Variants in PACRGL observed in about 807,000 individuals in gnomAD.
PACRGL encodes the protein PACRG-like protein.
PACRGL carries 38 observed loss-of-function variants against 34.5 expected under a neutral mutation model. That is an observed-to-expected ratio of 1.10 (90% CI 0.85 to 1.44). The LOEUF is 1.44. PACRGL is among the 40% of genes most tolerant of loss of function. The pLI is 0.00. For synonymous variants in PACRGL, 128 were observed against 100.1 expected (o/e 1.28, Z -1.66); for missense variants, 305 against 281.4 (o/e 1.08, Z -0.60).
upstream of PACRGL, chr4:20,700,354 T>TG (rs899290677): frequency 3.3e-5 from 5 of 152,152 alleles, no homozygotes; most frequent in African/African-American, 1.2e-4. Context: ...AACCCTCTTC[T>TG]GGGGCGCCTC....
downstream of PACRGL, among the ~76,000 whole-genome samples, chr4:20,733,358 A>G (rs1748813209): frequency 6.6e-6 from 1 of 152,182 alleles, no homozygotes. Flanking sequence ...CTTTTTCTCT[A>G]AAACAGTCTA....
rs1748572209 is a variant in PACRGL, at chr4:20,732,535, TATTAA to T, written c.*5200_*5204del. 6.1e-6 allele frequency: 4 copies of T among 658,950 alleles called. No homozygotes were observed. The highest frequency in any genetic ancestry group is 5.1e-5 in the South Asian group (3 of 58,378). The allele number at this position is 658,950 out of a possible 1,614,324, so 40.8% of individuals were successfully genotyped here. A position where few individuals can be genotyped will look rare whatever the true frequency, so the allele number is the denominator to read the frequency against. Reference sequence around the variant, plus strand: ...AGCATTGTAAATTCAAAACCAAAGCTATTAAATTAATAGGATGCTAAATACTGTTT... The same window carrying T: ...AGCATTGTAAATTCAAAACCAAAGCTATTAATAGGATGCTAAATACTGTTT... On this transcript the variant is annotated 3_prime_UTR_variant, in exon 9 of 9. Transcript: ENST00000503585.
At chr4:20,749,153 T>C (rs35241942) in intron 8 of PACRGL, among the ~76,000 whole-genome samples, 72,064 of 146,456 alleles carry the variant, frequency 0.49, 18,118 homozygotes, top group African/African-American at 0.57. Context: ...GCGAGACTCT[T>C]TCAAAAAAAA....
intron 7 of PACRGL, among the ~76,000 whole-genome samples, chr4:20,723,631 G>T (rs1434290624): frequency 1.3e-5 from 2 of 152,174 alleles, no homozygotes; most frequent in Non-Finnish European, 2.9e-5. Context: ...GAAAAGACCA[G>T]ATTAACAGTT....
chr4:20,758,922 A>G, the PACRGL span: 2 of 1,585,956 alleles, frequency 1.3e-6, no homozygotes, highest in Admixed American at 1.7e-5. Flanking sequence ...CAATATGAGC[A>G]AAGTGTTCAT....
chr4:20,752,447 A>G (rs533058195), intron 8 of PACRGL: 2 of 152,338 alleles, frequency 1.3e-5, no homozygotes, highest in South Asian at 2.1e-4. Context: ...TTCAGTAAAT[A>G]TTAGCTATTA....
intron 5 of PACRGL, among the ~76,000 whole-genome samples, chr4:20,710,291 CTT>C (rs1413382581): frequency 6.6e-5 from 10 of 151,992 alleles, no homozygotes; most frequent in African/African-American, 2.4e-4. Context: ...TTAAAAAAAA[CTT>C]TTGATAGCTT....
In PACRGL at chr4:20,730,112, G is replaced by A. The variant is rs781507352; in HGVS notation, c.*2771G>A. 7 of 1,608,940 alleles carry A rather than the reference G, an allele frequency of 4.4e-6. No individual in the cohort carries two copies. In the South Asian group the frequency reaches 6.7e-5, roughly 15 times the overall value. ...TCACATTTTCAAAGAGCTGCATGGAGCGCATTATGTTTTCATCCTGTAAGG... is the reference window on the plus strand; with the variant it reads ...TCACATTTTCAAAGAGCTGCATGGAACGCATTATGTTTTCATCCTGTAAGG... On this transcript the variant is annotated 3_prime_UTR_variant, in exon 9 of 9. Transcript: ENST00000503585.
intron 8 of PACRGL, among the ~76,000 whole-genome samples, chr4:20,737,934 G>A (rs1443808587): frequency 6.6e-6 from 1 of 152,080 alleles, no homozygotes; most frequent in East Asian, 1.9e-4. Context: ...GAGTTTGCAA[G>A]CAGCCTGAGC....
At chr4:20,699,250 CT>C (rs1731456139), upstream of PACRGL, among the ~76,000 whole-genome samples, 1 of 151,574 alleles carries the variant, frequency 6.6e-6, no homozygotes, top group Non-Finnish European at 1.5e-5. Flanking sequence ...TTTCTTTTTC[CT>C]TTTAAAAACG....
At chr4:20,751,226 A>G (rs928315736) in intron 8 of PACRGL, among the ~76,000 whole-genome samples, 2 of 152,240 alleles carry the variant, frequency 1.3e-5, no homozygotes, top group African/African-American at 2.4e-5. Context: ...CACCGTTTTC[A>G]GTGAACTAAC....
At chr4:20,719,098 A>T (rs1204855609) in intron 7 of PACRGL, 1 of 151,992 alleles carries the variant, frequency 6.6e-6, no homozygotes, top group Non-Finnish European at 1.5e-5. Context: ...TTTCTGCAAG[A>T]TTTTCTAGTT....
chr4:20,751,930 G>GC (rs1159275959), intron 8 of PACRGL, among the ~76,000 whole-genome samples: 1 of 152,072 alleles, frequency 6.6e-6, no homozygotes, highest in Non-Finnish European at 1.5e-5. Context: ...GAGTCAGACT[G>GC]CCTGAATTTC....
Position 20,731,566 on chromosome 4 carries a change from A to T in PACRGL, c.*4225A>T. On this transcript the variant is annotated 3_prime_UTR_variant, in exon 9 of 9. Coordinates refer to ENST00000503585, the MANE Select transcript of PACRGL (RefSeq NM_001258345.3). ...CCATTTCTTGTCCACATACACTAAA[A>T]CAATGACTTTTCTCTTAGAAATCAG... The T allele has an allele frequency of 1.0e-6, 1 of 985,392 alleles. No homozygotes were observed. Among genetic ancestry groups the T allele is most frequent in the Non-Finnish European group, 1.2e-6 (1 of 829,890 alleles). 61.0% of individuals were successfully genotyped at this position (985,392 alleles called of 1,614,324 possible).
At chr4:20,766,596 C>T in the PACRGL span, among the ~76,000 whole-genome samples, 1 of 151,992 alleles carries the variant, frequency 6.6e-6, no homozygotes, top group South Asian at 2.1e-4. Flanking sequence ...AAACATAAAG[C>T]AACTTTAGAG....
downstream of PACRGL, among the ~76,000 whole-genome samples, chr4:20,736,139 A>G (rs1396870630): frequency 6.6e-6 from 1 of 152,194 alleles, no homozygotes; most frequent in Non-Finnish European, 1.5e-5. Context: ...CCTTTCACTC[A>G]TAGACTACTG....
downstream of PACRGL, among the ~76,000 whole-genome samples, chr4:20,756,673 G>C (rs1204574735): frequency 6.6e-6 from 1 of 151,756 alleles, no homozygotes; most frequent in African/African-American, 2.4e-5. Context: ...GTTCATCCAG[G>C]GCACTTGGGC....
At chr4:20,718,302 C>T (rs979486254) in intron 7 of PACRGL, among the ~76,000 whole-genome samples, 40 of 152,238 alleles carry the variant, frequency 2.6e-4, no homozygotes, top group Admixed American at 1.6e-3. Context: ...TTCCTCTTTT[C>T]GTAATTGAAT....
At chr4:20,749,876 T>C (rs1053884032) in intron 8 of PACRGL, 1 of 540,916 alleles carries the variant, frequency 1.8e-6, no homozygotes, top group African/African-American at 1.9e-5. Flanking sequence ...GCTTACCCTC[T>C]TTCTGTAGAG....
Sources: gnomAD v4.1 joint callset for allele counts (sites outside exome capture counted in the v4.1 genomes callset) on GRCh38, gnomAD v4.1.1 for gene constraint, MANE v1.5 for transcripts, NCBI Gene and HGNC (gene_info 2026-07-23, HGNC 2026-07-21) for gene names.